The following GSN variants were observed in gnomAD, a reference collection of about 807,000 sequenced individuals.
The protein encoded by GSN is gelsolin.
In GSN, 56 loss-of-function variants were observed where a neutral mutation model predicts 85.7. The observed-to-expected ratio is 0.65, with a 90% CI of 0.53 to 0.82. GSN has a LOEUF of 0.82. Ranked by LOEUF, GSN falls within the 40% of genes least tolerant of loss-of-function variation. The pLI is 0.00. For missense variants in GSN, 857 were observed against 979.8 expected, an observed-to-expected ratio of 0.87 and a Z score of 1.67; for synonymous variants, 373 against 399.1, an observed-to-expected ratio of 0.93 and a Z score of 0.78.
chr9:121,252,383 G>T (rs1014841387), intron 6 of GSN, among the ~76,000 whole-genome samples: 3 of 152,188 alleles, frequency 2.0e-5, no homozygotes, highest in Non-Finnish European at 2.9e-5. Context: ...TGGGAAGGTG[G>T]ACAGTGGCAG....
chr9:121,257,725 G>A (rs1341261385), intron 6 of GSN, among the ~76,000 whole-genome samples: 1 of 152,158 alleles, frequency 6.6e-6, no homozygotes, highest in Non-Finnish European at 1.5e-5. Context: ...AGAAAAATTA[G>A]GTGGGTGTGT....
intron 4 of GSN, among the ~76,000 whole-genome samples, chr9:121,217,797 T>TTTA (rs1564336092): frequency 3.4e-5 from 4 of 119,106 alleles, no homozygotes; most frequent in East Asian, 2.3e-4. Context: ...AATATAGAAA[T>TTTA]GTATTATTAT....
At chr9:121,238,895 A>G (rs2054548426) in intron 5 of GSN, 1 of 536,610 alleles carries the variant, frequency 1.9e-6, no homozygotes, top group South Asian at 1.4e-5. Flanking sequence ...AGCTGGTTAC[A>G]TACATCTGCA....
At position 121,318,943 on chromosome 9, in the gene GSN, T is replaced by C. The variant is rs2062045358; in HGVS notation, c.1191+63T>C. ...TCCCTCACTTTCCCCATGCACTGCC[T>C]CTTGCTTCCCCAAGGAGGTTTCTCT... On this transcript the variant is annotated intron_variant, in intron 10 of 17. Coordinates refer to ENST00000432226, the MANE Select transcript of GSN (RefSeq NM_198252.3). The surrounding 1 kb of genome is among the most constrained non-coding windows in gnomAD (Gnocchi z 4.3). 1 of 1,278,924 alleles carries C rather than the reference T, an allele frequency of 7.8e-7. No individual in the cohort carries two copies. Among genetic ancestry groups the C allele is most frequent in the Admixed American group, 1.7e-5 (1 of 58,596 alleles). The allele number at this position is 1,278,924 out of a possible 1,614,324, so 79.2% of individuals were successfully genotyped here.
chr9:121,241,979 T>C (rs1403567961), intron 5 of GSN, among the ~76,000 whole-genome samples: 1 of 152,232 alleles, frequency 6.6e-6, no homozygotes, highest in Non-Finnish European at 1.5e-5. Flanking sequence ...TCTACAGATC[T>C]TGGTTCAAAA....
At chr9:121,321,242 A>G (rs751021283) in intron 10 of GSN, 26 bp from the exon 11 acceptor site, 47 of 1,613,302 alleles carry the variant, frequency 2.9e-5, no homozygotes, top group Admixed American at 2.2e-4. Flanking sequence ...GCTGCACAGC[A>G]TCTGACTCCA....
chr9:121,227,136 G>A (rs113624324), intron 4 of GSN, among the ~76,000 whole-genome samples: 13,359 of 152,180 alleles, frequency 0.088, 806 homozygotes, highest in Middle Eastern at 0.13. Flanking sequence ...GCTCACACTC[G>A]TAATCCTAGC....
At chr9:121,324,253 T>C (rs2062866453) in intron 11 of GSN, among the ~76,000 whole-genome samples, 1 of 152,246 alleles carries the variant, frequency 6.6e-6, no homozygotes, top group South Asian at 2.1e-4. Flanking sequence ...GATTTGAGTC[T>C]CAGAGCATCT....
upstream of GSN, among the ~76,000 whole-genome samples, chr9:121,267,178 C>G (rs562769667): frequency 6.6e-6 from 1 of 152,176 alleles, no homozygotes; most frequent in Non-Finnish European, 1.5e-5. Context: ...CTCCAAAAGT[C>G]CTGGGAACTC....
At chr9:121,247,420 G>A (rs559845987) in intron 5 of GSN, among the ~76,000 whole-genome samples, 128 of 152,312 alleles carry the variant, frequency 8.4e-4, no homozygotes, top group East Asian at 1.9e-3. Flanking sequence ...TTCCAACTGT[G>A]CAGCCTCTGA....
At position 121,225,085 on chromosome 9, in the gene GSN, C is replaced by T. The variant is rs2132126899; in HGVS notation, c.-527-6080C>T. Among the ~76,000 whole-genome samples, 3 of 152,258 alleles carry T rather than the reference C, an allele frequency of 2.0e-5. No homozygotes were observed. The South Asian group carries it at 6.2e-4, about 32-fold the overall frequency. ...CCTCCCACCTCGGCCTCCCAAAGTG[C>T]TGGGATTACAGGCATGAGCTACCAT... On this transcript the variant is annotated intron_variant, in intron 4 of 24. Coordinates refer to the GSN transcript ENST00000373823.
chr9:121,245,048 C>G (rs1436406613), intron 5 of GSN, among the ~76,000 whole-genome samples: 1 of 151,894 alleles, frequency 6.6e-6, no homozygotes, highest in Admixed American at 6.6e-5. Context: ...AATCAAATTC[C>G]TAGAAAGTAA....
chr9:121,279,162 G>T (rs918888020), intron 1 of GSN, among the ~76,000 whole-genome samples: 1 of 152,200 alleles, frequency 6.6e-6, no homozygotes, highest in Non-Finnish European at 1.5e-5. Flanking sequence ...GAGGACTCAG[G>T]AACAGAGTGC....
chr9:121,318,680 G>A lies in GSN; in HGVS notation c.991G>A (p.Glu331Lys), dbSNP rs773492890. The stretch of plus-strand genomic sequence containing the variant: ...CCCTCCCCAGGTCTCGGTCCTTCCT[G>A]AGGGCGGTGAGACCCCACTGTTCAA... ...PKQTQVSVLP[E>K]GGETPLFKQF... Residue 331 changes from glutamate to lysine, a missense_variant, in exon 10 of 18, where the codon GAG (glutamate) becomes AAG (lysine). Physicochemically the swap from Glu to Lys is moderately conservative, Grantham distance 56. Coordinates refer to ENST00000432226, the MANE Select transcript of GSN (RefSeq NM_198252.3). The surrounding 1 kb of genome is among the most constrained non-coding windows in gnomAD (Gnocchi z 4.3). The A allele has an allele frequency of 1.9e-6, 3 of 1,613,260 alleles. No individual in the cohort carries two copies. In the East Asian group the frequency reaches 6.7e-5, roughly 36 times the overall value.
At chr9:121,228,424 ATTTTTT>A (rs869071386) in intron 4 of GSN, among the ~76,000 whole-genome samples, 1,192 of 47,906 alleles carry the variant, frequency 0.025, 15 homozygotes, top group South Asian at 0.072. Context: ...ATATATATAT[ATTTTTT>A]TTTTTTTTTT....
chr9:121,278,358 T>C (rs1037813435), intron 1 of GSN, among the ~76,000 whole-genome samples: 3 of 152,218 alleles, frequency 2.0e-5, no homozygotes, highest in African/African-American at 7.2e-5. Flanking sequence ...ATGGCATTAA[T>C]GGACAGATAT....
chr9:121,299,971 C>G lies in GSN; in HGVS notation c.-9-1992C>G. ...ACTGCGTCGCGGGGGGCGTCCCAGG[C>G]GGGGGCGCCCCAGGGGCGGGTGCCC... On this transcript the variant is annotated intron_variant, in intron 2 of 17. Transcript: ENST00000432226. This position sits in a 1 kb window ranked among gnomAD's most constrained non-coding sequence, Gnocchi z 4.2. 7.5e-7 allele frequency: 1 copy of G among 1,325,098 alleles called. No homozygotes were observed. Among genetic ancestry groups the G allele is most frequent in the Non-Finnish European group, 9.7e-7 (1 of 1,034,858 alleles). The allele number at this position is 1,325,098 out of a possible 1,614,324, so 82.1% of individuals were successfully genotyped here. A position where few individuals can be genotyped will look rare whatever the true frequency, so the allele number is the denominator to read the frequency against.
rs2061976578 is a variant in GSN, at chr9:121,318,478, AC to A, written c.963del (p.Lys322SerfsTer117). ...TCTGACTTCATCACCAAGATGGACT[AC>A]CCCAAGCAGACTCAGGTGAGTCTTG... Reference protein sequence around the residue: ...TASDFITKMDYPKQTQVSVLP... With the variant: ...TASDFITKMDXPKQTQVSVLP... On this transcript the variant is annotated frameshift_variant, in exon 9 of 18. Coordinates refer to ENST00000432226, the MANE Select transcript of GSN (RefSeq NM_198252.3). LOFTEE classifies it high-confidence loss of function. The surrounding 1 kb of genome is among the most constrained non-coding windows in gnomAD (Gnocchi z 4.3). 1 of 1,613,320 alleles carries A rather than the reference AC, an allele frequency of 6.2e-7. No individual in the cohort carries two copies.
intron 4 of GSN, among the ~76,000 whole-genome samples, chr9:121,214,729 AC>A (rs2054028507): frequency 6.6e-6 from 1 of 151,990 alleles, no homozygotes; most frequent in African/African-American, 2.4e-5. Context: ...CCAGTTTGAG[AC>A]CCCAGGAGCT....
Sources: gnomAD v4.1 joint callset for allele counts (sites outside exome capture counted in the v4.1 genomes callset) on GRCh38, gnomAD v4.1.1 for gene constraint, Gnocchi (gnomAD v3.1) non-coding constraint, MANE v1.5 for transcripts, NCBI Gene and HGNC (gene_info 2026-07-23, HGNC 2026-07-21) for gene names.